KLF16: variants seen among roughly 807,000 people sequenced by gnomAD.
KLF16 encodes KLF transcription factor 16.
A neutral mutation model predicts 6.1 loss-of-function variants in KLF16; 6 were observed. That is an observed-to-expected ratio of 0.98 (90% CI 0.54 to 1.93). The LOEUF is 1.93. Among genes scored for constraint, KLF16 ranks in the 30% most tolerant of loss-of-function variants. The pLI is 0.01. For synonymous variants in KLF16, 211 were observed against 176.5 expected (o/e 1.20, Z -1.55); for missense variants, 355 against 363.8 (o/e 0.98, Z 0.20).
chr19:1,858,390 A>G (rs1469647294), intron 1 of KLF16, among the ~76,000 whole-genome samples: 4 of 152,060 alleles, frequency 2.6e-5, no homozygotes, highest in Admixed American at 2.6e-4. Context: ...GTGCCCCCCA[A>G]GCACCCTTGG....
At chr19:1,872,849 G>A in the KLF16 span, among the ~76,000 whole-genome samples, 3 of 152,184 alleles carry the variant, frequency 2.0e-5, no homozygotes, top group East Asian at 1.9e-4. Flanking sequence ...GCCCGGAACC[G>A]GGAGGGAAGT....
intron 1 of KLF16, among the ~76,000 whole-genome samples, chr19:1,856,026 C>A (rs775359637): frequency 1.3e-5 from 2 of 152,240 alleles, no homozygotes; most frequent in Non-Finnish European, 2.9e-5. Flanking sequence ...ACAGCAGGGC[C>A]AGGAGGGTAG....
upstream of KLF16, among the ~76,000 whole-genome samples, chr19:1,867,491 C>T (rs565093393): frequency 3.4e-4 from 52 of 152,340 alleles, 1 homozygote; most frequent in Non-Finnish European, 6.0e-4. Flanking sequence ...GGGAGGATTG[C>T]TTGCGGCCCC....
upstream of KLF16, among the ~76,000 whole-genome samples, chr19:1,863,902 C>A (rs2012132879): frequency 6.8e-6 from 1 of 147,526 alleles, no homozygotes; most frequent in East Asian, 2.0e-4. Flanking sequence ...CGCTAGGGTG[C>A]AAGGCCGGGA....
chr19:1,866,379 G>C (rs983331574), upstream of KLF16, among the ~76,000 whole-genome samples: 2 of 152,046 alleles, frequency 1.3e-5, no homozygotes, highest in African/African-American at 4.8e-5. Flanking sequence ...GGGAGGCCGA[G>C]GCAGGCGGAT....
chr19:1,864,307 G>A (rs1173188639), upstream of KLF16, among the ~76,000 whole-genome samples: 5 of 152,248 alleles, frequency 3.3e-5, no homozygotes, highest in Non-Finnish European at 7.4e-5. Context: ...CCCGGCCTGG[G>A]GCCCTGCTTT....
chr19:1,854,723 G>C lies in KLF16; in HGVS notation c.495C>G (p.Asp165Glu). The C allele has an allele frequency of 3.1e-6, 5 of 1,598,506 alleles. No individual in the cohort carries two copies. The highest frequency in any genetic ancestry group is 4.2e-6 in the Non-Finnish European group (5 of 1,179,404). ...GCTCGTCGGAGCGGGCGAACTTCTTGTCGCAGCCCTGCCAGTCACAAGCAA... is the reference window on the plus strand; with the variant it reads ...GCTCGTCGGAGCGGGCGAACTTCTTCTCGCAGCCCTGCCAGTCACAAGCAA... ...RPFACDWQGC[D>E]KKFARSDELA... The change falls in exon 2 of 2, where the codon GAC becomes GAG. Residue 165 changes from aspartate (D) to glutamate (E), a missense_variant. Coordinates refer to ENST00000250916, the MANE Select transcript of KLF16 (RefSeq NM_031918.4).
At chr19:1,874,070 G>C in the KLF16 span, among the ~76,000 whole-genome samples, 3 of 152,240 alleles carry the variant, frequency 2.0e-5, no homozygotes, top group Admixed American at 6.5e-5. Context: ...ACAGTGTCTT[G>C]TGGAACTAGT....
intron 1 of KLF16, among the ~76,000 whole-genome samples, chr19:1,858,005 T>C (rs1261877538): frequency 1.3e-5 from 2 of 151,634 alleles, no homozygotes; most frequent in African/African-American, 4.9e-5. Context: ...CCACACCCAC[T>C]CTGCCCCTAG....
intron 1 of KLF16, among the ~76,000 whole-genome samples, chr19:1,859,172 C>T (rs571905773): frequency 2.1e-4 from 32 of 152,112 alleles, no homozygotes; most frequent in Admixed American, 8.5e-4. Flanking sequence ...CACTGCCATC[C>T]CAACCCTACA....
At chr19:1,864,994 C>T (rs2012163190), upstream of KLF16, among the ~76,000 whole-genome samples, 1 of 152,226 alleles carries the variant, frequency 6.6e-6, no homozygotes, top group Non-Finnish European at 1.5e-5. Flanking sequence ...CGATTCGGGG[C>T]TTCTCTAGCC....
intron 1 of KLF16, chr19:1,861,601 T>A (rs1391324685): frequency 6.6e-6 from 1 of 152,210 alleles, no homozygotes; most frequent in African/African-American, 2.4e-5. Flanking sequence ...CCAAGTCCTG[T>A]CTTGACGCCC....
the KLF16 span, among the ~76,000 whole-genome samples, chr19:1,873,443 C>T: frequency 2.6e-5 from 4 of 152,042 alleles, no homozygotes; most frequent in Non-Finnish European, 4.4e-5. Context: ...GCCCTCCCCC[C>T]GGGCTCCGGG....
chr19:1,868,622 G>A, the KLF16 span, among the ~76,000 whole-genome samples: 1 of 149,824 alleles, frequency 6.7e-6, no homozygotes, highest in Admixed American at 6.6e-5. Flanking sequence ...GGGATTACAG[G>A]TGCCCACCAC....
At chr19:1,869,934 T>C in the KLF16 span, among the ~76,000 whole-genome samples, 3 of 141,504 alleles carry the variant, frequency 2.1e-5, no homozygotes, top group African/African-American at 5.6e-5. Flanking sequence ...CTTTTTCTTT[T>C]TTTTTTTTTT....
the KLF16 span, chr19:1,874,946 G>GT: frequency 2.0e-5 from 3 of 152,142 alleles, no homozygotes; most frequent in Non-Finnish European, 4.4e-5. Flanking sequence ...ACTGTCAGTG[G>GT]TAACAATGAT....
chr19:1,862,425 G>A (rs1266770505), intron 1 of KLF16, among the ~76,000 whole-genome samples: 1 of 152,106 alleles, frequency 6.6e-6, no homozygotes, highest in Non-Finnish European at 1.5e-5. Flanking sequence ...CCAATACTAT[G>A]AAGTTCCCCC....
chr19:1,854,937 C>G (rs371265132), intron 1 of KLF16, among the ~76,000 whole-genome samples, 177 bp from the exon 2 acceptor site: 2 of 152,130 alleles, frequency 1.3e-5, no homozygotes, highest in Non-Finnish European at 2.9e-5. Context: ...ACCCGCCCCC[C>G]GGTGGCCCAA....
the KLF16 span, among the ~76,000 whole-genome samples, chr19:1,872,869 G>A: frequency 6.6e-6 from 1 of 152,092 alleles, no homozygotes; most frequent in Non-Finnish European, 1.5e-5. Flanking sequence ...TGGGACCAGG[G>A]GCTTGTGCTG....
Sources: allele counts gnomAD v4.1 joint callset (sites outside exome capture counted in the v4.1 genomes callset), GRCh38; gene constraint gnomAD v4.1.1; transcripts MANE v1.5; gene names NCBI Gene and HGNC (gene_info 2026-07-23, HGNC 2026-07-21).